Variants in BCL7C observed in about 807,000 individuals in gnomAD.
BCL7C encodes BAF chromatin remodeling complex subunit BCL7C.
Under a neutral mutation model 26.2 loss-of-function variants are expected in BCL7C, and 8 were observed. That is an observed-to-expected ratio of 0.30 (90% confidence interval 0.18 to 0.55). BCL7C has a LOEUF of 0.55. Ranked by LOEUF, BCL7C falls within the 20% of genes least tolerant of loss-of-function variation. The pLI is 0.93. For synonymous variants in BCL7C, 90 were observed against 116.5 expected (o/e 0.77, Z 1.47); for missense variants, 262 against 298.5 (o/e 0.88, Z 0.90).
chr16:30,885,656 G>A (rs992022356), downstream of BCL7C, among the ~76,000 whole-genome samples: 29 of 151,820 alleles, frequency 1.9e-4, no homozygotes, highest in African/African-American at 1.2e-4. Flanking sequence ...CACCCACCTC[G>A]GCCTCCCAAG....
In BCL7C at chr16:30,893,806, C is replaced by G; in HGVS notation, c.92+47G>C. 6.4e-7 allele frequency: 1 copy of G among 1,557,272 alleles called. No homozygotes were observed. The highest frequency in any genetic ancestry group is 8.7e-7 in the Non-Finnish European group (1 of 1,143,246). ...GAGGGCAGCGTAGACGCCTTTGGTGCTGGTGGTCCCGCTGTGTCCCGTCCC... is the reference window on the plus strand; with the variant it reads ...GAGGGCAGCGTAGACGCCTTTGGTGGTGGTGGTCCCGCTGTGTCCCGTCCC... On this transcript the variant is annotated intron_variant, in intron 1 of 5. Transcript: ENST00000215115. This position sits in a 1 kb window ranked among gnomAD's most constrained non-coding sequence, Gnocchi z 5.2.
chr16:30,893,303 G>A lies in BCL7C; in HGVS notation c.93-13C>T, dbSNP rs1246872971. ...CCATCGCTTCTCCCTGTGGGAGGGT[G>A]GGGGGCTGGGTCAGAGAGGCCTGAG... On this transcript the variant is annotated splice_polypyrimidine_tract_variant and intron_variant, in intron 1 of 5. Transcript: ENST00000215115. The surrounding 1 kb of genome is among the most constrained non-coding windows in gnomAD (Gnocchi z 5.2). The A allele has an allele frequency of 1.2e-6, 2 of 1,610,198 alleles. No individual in the cohort carries two copies. Among genetic ancestry groups the A allele is most frequent in the African/African-American group, 2.7e-5 (2 of 74,850 alleles).
In BCL7C at chr16:30,892,932, C is replaced by T; in HGVS notation, c.188G>A (p.Gly63Asp). Reference sequence around the variant, plus strand: ...GCCACGGGATCTCTCTGCCCCGCCACCTGCCCGCCTTCGCTCCTGGGGGTT... The same window carrying T: ...GCCACGGGATCTCTCTGCCCCGCCATCTGCCCGCCTTCGCTCCTGGGGGTT... Reference protein sequence around the residue: ...DPQEEERRRAGGGAERSRGRE... With the variant: ...DPQEEERRRADGGAERSRGRE... Residue 63 changes from glycine to aspartate, a missense_variant, in exon 3 of 6, where the codon GGT (glycine) becomes GAT (aspartate). Transcript: ENST00000215115. 1 of 1,612,846 alleles carries T rather than the reference C, an allele frequency of 6.2e-7. No homozygotes were observed. Among genetic ancestry groups the T allele is most frequent in the Non-Finnish European group, 8.5e-7 (1 of 1,179,840 alleles).
At chr16:30,861,576 G>A (rs2054773059) in intron 5 of BCL7C, among the ~76,000 whole-genome samples, 1 of 152,138 alleles carries the variant, frequency 6.6e-6, no homozygotes, top group African/African-American at 2.4e-5. Context: ...TGCAACTCTG[G>A]CCCAAGGCTC....
Position 30,835,007 on chromosome 16 carries a change from C to CG in BCL7C, c.669dup (p.Gly224ArgfsTer17). On this transcript the variant is annotated frameshift_variant, in exon 6 of 6. Coordinates refer to the BCL7C transcript ENST00000380317. LOFTEE classifies it high-confidence loss of function. Reference sequence around the variant, plus strand: ...GCCCTCGGGGCCTTGCTGCCTCCCCCGGGAGCTCTGGTGTCCGGCACCGCC... The same window carrying CG: ...GCCCTCGGGGCCTTGCTGCCTCCCCCGGGGAGCTCTGGTGTCCGGCACCGCC... The CG allele has an allele frequency of 6.5e-7, 1 of 1,548,814 alleles. No individual in the cohort carries two copies. Among genetic ancestry groups the CG allele is most frequent in the Non-Finnish European group, 8.7e-7 (1 of 1,146,582 alleles).
intron 5 of BCL7C, among the ~76,000 whole-genome samples, chr16:30,867,346 A>C (rs2054837822): frequency 6.6e-6 from 1 of 152,162 alleles, no homozygotes; most frequent in African/African-American, 2.4e-5. Flanking sequence ...CATAAGTGGT[A>C]GGCAGAATAA....
chr16:30,835,627 C>G (rs1244055253), intron 5 of BCL7C, among the ~76,000 whole-genome samples: 1 of 151,284 alleles, frequency 6.6e-6, no homozygotes, highest in African/African-American at 2.4e-5. Flanking sequence ...GGGTGGATCA[C>G]CTGAGGTCAG....
At chr16:30,868,360 A>G (rs1490299760) in intron 5 of BCL7C, among the ~76,000 whole-genome samples, 2 of 145,924 alleles carry the variant, frequency 1.4e-5, no homozygotes, top group African/African-American at 5.1e-5. Flanking sequence ...GATGGTCTCC[A>G]TCTCCTGACC....
At chr16:30,867,495 G>A (rs569802365) in intron 5 of BCL7C, among the ~76,000 whole-genome samples, 9 of 152,204 alleles carry the variant, frequency 5.9e-5, no homozygotes, top group Non-Finnish European at 1.2e-4. Flanking sequence ...ATCCAGGGGG[G>A]CACAATGTAA....
chr16:30,855,960 T>C (rs2054716786), intron 5 of BCL7C, among the ~76,000 whole-genome samples: 1 of 145,062 alleles, frequency 6.9e-6, no homozygotes, highest in Non-Finnish European at 1.5e-5. Flanking sequence ...TACTCAGGAG[T>C]CTGATGCAGG....
downstream of BCL7C, among the ~76,000 whole-genome samples, chr16:30,885,661 C>G (rs770858041): frequency 6.6e-6 from 1 of 152,158 alleles, no homozygotes; most frequent in African/African-American, 2.4e-5. Flanking sequence ...ACCTCGGCCT[C>G]CCAAGGTGCT....
intron 5 of BCL7C, among the ~76,000 whole-genome samples, chr16:30,840,908 G>T (rs911420335): frequency 6.6e-6 from 1 of 152,152 alleles, no homozygotes; most frequent in African/African-American, 2.4e-5. Context: ...ACCTCTCACT[G>T]GGTTCCTCCC....
chr16:30,850,223 A>AAAAG (rs1555479266), intron 5 of BCL7C, among the ~76,000 whole-genome samples: 3 of 151,596 alleles, frequency 2.0e-5, no homozygotes, highest in African/African-American at 7.3e-5. Flanking sequence ...AAAAAAAAAA[A>AAAAG]AAAAGAAAAG....
chr16:30,865,651 G>A (rs1255567382), intron 5 of BCL7C, among the ~76,000 whole-genome samples: 1 of 151,576 alleles, frequency 6.6e-6, no homozygotes, highest in Non-Finnish European at 1.5e-5. Context: ...TAGGTGGCAG[G>A]AATAGTGTTA....
At chr16:30,888,066 A>C in intron 5 of BCL7C, 76 bp from the exon 6 acceptor site, 1 of 1,466,914 alleles carries the variant, frequency 6.8e-7, no homozygotes, top group Non-Finnish European at 9.2e-7. Context: ...CCTTCTCCAA[A>C]GCCTCCACTC....
In BCL7C at chr16:30,835,036, G is replaced by A. The variant is rs555914762; in HGVS notation, c.641C>T (p.Ser214Phe). ...AGCTCTGGTGTCCGGCACCGCCATGGAACTGGGCCGGACATTTGTCCGGAG... is the reference window on the plus strand; with the variant it reads ...AGCTCTGGTGTCCGGCACCGCCATGAAACTGGGCCGGACATTTGTCCGGAG... The change falls in exon 6 of 6, where the codon TCC (serine) becomes TTC (phenylalanine). Residue 214 changes from serine to phenylalanine, a missense_variant. Ser to Phe is a radical substitution (Grantham distance 155, BLOSUM62 -2). Coordinates refer to the BCL7C transcript ENST00000380317. 2.1e-5 allele frequency: 33 copies of A among 1,549,566 alleles called. No homozygotes were observed. In the African/African-American group the frequency reaches 2.9e-4, roughly 13 times the overall value.
intron 5 of BCL7C, among the ~76,000 whole-genome samples, chr16:30,843,381 T>C (rs1351146926): frequency 6.6e-6 from 1 of 151,998 alleles, no homozygotes; most frequent in Admixed American, 6.6e-5. Context: ...GGCAACATAG[T>C]GAGACCTTGT....
chr16:30,887,974 G>C lies in BCL7C; in HGVS notation c.545C>G (p.Pro182Arg). The C allele has an allele frequency of 6.2e-7, 1 of 1,606,740 alleles. No individual in the cohort carries two copies. Residue 182 changes from proline to arginine, a missense_variant, in exon 6 of 6, where the codon CCT (proline) becomes CGT (arginine). By Grantham distance (103) the Pro-to-Arg change is moderately radical. Transcript: ENST00000215115. ...LLEAEAPEAY[P>R]VFEPVPPVPE... is the part of the protein sequence containing the mutation. ...GACAGGTGGCACTGGCTCAAAGACA[G>C]GGTAAGCTTCGGGGGCCTGGAGAGG...
Position 30,838,337 on chromosome 16 carries a change from G to C in BCL7C, c.529-3189C>G, listed in dbSNP as rs528273170. On this transcript the variant is annotated intron_variant, in intron 5 of 5. Transcript: ENST00000380317. ...TATGTGTATATAGTATACACATATAGATCAGAGATAGATGGTAGGTAGCTA... is the reference window on the plus strand; with the variant it reads ...TATGTGTATATAGTATACACATATACATCAGAGATAGATGGTAGGTAGCTA... Among the ~76,000 whole-genome samples the C allele has an allele frequency of 3.3e-5, 5 of 152,368 alleles. No homozygotes were observed. The East Asian group carries it at 5.8e-4, about 18-fold the overall frequency.
Sources: allele counts gnomAD v4.1 joint callset (sites outside exome capture counted in the v4.1 genomes callset), GRCh38; gene constraint gnomAD v4.1.1; non-coding constraint Gnocchi (gnomAD v3.1); transcripts MANE v1.5; gene names NCBI Gene and HGNC (gene_info 2026-07-23, HGNC 2026-07-21).